Variants in MGAT4C observed in about 807,000 individuals in gnomAD.
The protein encoded by MGAT4C is MGAT4 family member C.
A neutral mutation model predicts 40.1 loss-of-function variants in MGAT4C; 19 were observed. The ratio of observed to expected loss-of-function variants is 0.47; its 90% CI spans 0.33 to 0.70. MGAT4C has a LOEUF of 0.70. Ranked by LOEUF, MGAT4C falls within the 30% of genes least tolerant of loss-of-function variation. MGAT4C has a pLI of 0.02. For synonymous variants in MGAT4C, 181 were observed against 187.1 expected (o/e 0.97, Z 0.27); for missense variants, 491 against 563.2 (o/e 0.87, Z 1.30).
At chr12:86,553,999 A>G (rs1432923349) in intron 2 of MGAT4C, among the ~76,000 whole-genome samples, 3 of 152,100 alleles carry the variant, frequency 2.0e-5, no homozygotes, top group Non-Finnish European at 2.9e-5. Context: ...CTCCTATTTA[A>G]TGAAACTCAT....
chr12:86,119,391 A>T (rs1435067133), intron 1 of MGAT4C, among the ~76,000 whole-genome samples: 1 of 152,030 alleles, frequency 6.6e-6, no homozygotes, highest in Non-Finnish European at 1.5e-5. Flanking sequence ...GAGAGGAGTG[A>T]CAAACTCCCG....
chr12:86,712,594 T>G (rs866513934), intron 2 of MGAT4C, among the ~76,000 whole-genome samples: 1 of 152,288 alleles, frequency 6.6e-6, no homozygotes, highest in East Asian at 1.9e-4. Flanking sequence ...GACGAAACTA[T>G]TATTTTTGAA....
At chr12:86,454,337 C>T (rs1957475252) in intron 2 of MGAT4C, among the ~76,000 whole-genome samples, 1 of 152,074 alleles carries the variant, frequency 6.6e-6, no homozygotes, top group Admixed American at 6.6e-5. Flanking sequence ...AAGCAATTCT[C>T]CCACCTCAGC....
intron 2 of MGAT4C, among the ~76,000 whole-genome samples, chr12:86,707,226 C>G (rs1350815978): frequency 6.6e-6 from 1 of 152,118 alleles, no homozygotes; most frequent in Non-Finnish European, 1.5e-5. Flanking sequence ...AACTAAGTAA[C>G]AGGCAGAGGT....
At chr12:86,442,121 T>C (rs1466576081) in intron 2 of MGAT4C, among the ~76,000 whole-genome samples, 1 of 152,236 alleles carries the variant, frequency 6.6e-6, no homozygotes, top group African/African-American at 2.4e-5. Context: ...TTCATGTGTC[T>C]GTTGGCTGCA....
intron 2 of MGAT4C, among the ~76,000 whole-genome samples, chr12:86,559,105 C>T (rs1303208249): frequency 1.3e-5 from 2 of 151,734 alleles, no homozygotes; most frequent in African/African-American, 4.8e-5. Context: ...AAAAGATTAT[C>T]ATATAATAAT....
chr12:86,815,085 A>G (rs1250954984), intron 1 of MGAT4C, among the ~76,000 whole-genome samples: 2 of 152,044 alleles, frequency 1.3e-5, no homozygotes, highest in African/African-American at 4.8e-5. Flanking sequence ...GGTAACGATC[A>G]TATTGTTAGC....
chr12:86,306,266 A>G (rs949107011), intron 4 of MGAT4C, among the ~76,000 whole-genome samples: 1 of 150,540 alleles, frequency 6.6e-6, no homozygotes, highest in African/African-American at 2.5e-5. Flanking sequence ...GAAAGTTAAT[A>G]GCAGATTTAA....
intron 1 of MGAT4C, among the ~76,000 whole-genome samples, chr12:86,138,312 T>C (rs1194094134): frequency 1.3e-5 from 2 of 151,294 alleles, no homozygotes; most frequent in Admixed American, 1.3e-4. Context: ...TACAATCATT[T>C]TTTTTTTTTC....
intron 2 of MGAT4C, among the ~76,000 whole-genome samples, chr12:86,533,243 T>C (rs1959013118): frequency 1.3e-5 from 2 of 152,072 alleles, no homozygotes; most frequent in African/African-American, 4.8e-5. Context: ...TGGAGGAATC[T>C]TGATGAGCTA....
chr12:86,366,848 C>T (rs1169708056), intron 3 of MGAT4C, among the ~76,000 whole-genome samples: 3 of 152,046 alleles, frequency 2.0e-5, no homozygotes, highest in Non-Finnish European at 4.4e-5. Flanking sequence ...GGAGAAACAA[C>T]ACATTATCTT....
intron 2 of MGAT4C, among the ~76,000 whole-genome samples, chr12:86,645,684 A>C (rs1326506451): frequency 6.6e-6 from 1 of 151,814 alleles, no homozygotes; most frequent in East Asian, 1.9e-4. Flanking sequence ...ACAATTCAAT[A>C]TTTTATGATC....
chr12:86,597,373 A>G (rs1016626077), intron 2 of MGAT4C, among the ~76,000 whole-genome samples: 9 of 152,196 alleles, frequency 5.9e-5, no homozygotes, highest in African/African-American at 2.2e-4. Flanking sequence ...TGTAAACTTT[A>G]TAAAATTAAT....
rs920729858 is a variant in MGAT4C, at chr12:86,319,877, A to T, written c.-57+14188T>A. On this transcript the variant is annotated intron_variant, in intron 4 of 7. Transcript: ENST00000548651. ...ATTTTAGGATTCAATAAATGATAAA[A>T]TTTTTTTAAAGTCCATAATTTGAAA... is the stretch of plus-strand genomic sequence containing the variant. Among the ~76,000 whole-genome samples the T allele has an allele frequency of 2.0e-5, 3 of 152,156 alleles. No homozygotes were observed. The East Asian group carries it at 5.8e-4, about 29-fold the overall frequency.
chr12:86,431,708 G>A (rs1257878254), intron 3 of MGAT4C, among the ~76,000 whole-genome samples: 1 of 152,064 alleles, frequency 6.6e-6, no homozygotes, highest in Non-Finnish European at 1.5e-5. Flanking sequence ...TTCCCATCAT[G>A]ATTGAGTGAC....
chr12:86,042,407 T>C (rs996491991), intron 2 of MGAT4C, among the ~76,000 whole-genome samples: 1 of 152,200 alleles, frequency 6.6e-6, no homozygotes, highest in Admixed American at 6.5e-5. Context: ...ATAGTGTCAA[T>C]GGTTTCTGTA....
At chr12:86,699,431 A>T (rs1041022813) in intron 2 of MGAT4C, among the ~76,000 whole-genome samples, 1 of 152,138 alleles carries the variant, frequency 6.6e-6, no homozygotes, top group African/African-American at 2.4e-5. Flanking sequence ...CCGATACATA[A>T]CTTTTGTCAA....
At chr12:86,029,043 A>G (rs1890497862) in intron 2 of MGAT4C, among the ~76,000 whole-genome samples, 1 of 151,946 alleles carries the variant, frequency 6.6e-6, no homozygotes, top group Non-Finnish European at 1.5e-5. Flanking sequence ...GATTGAAATG[A>G]TTAAAGACAA....
chr12:86,643,240 G>T (rs1404103597), intron 2 of MGAT4C, among the ~76,000 whole-genome samples: 3 of 151,694 alleles, frequency 2.0e-5, no homozygotes, highest in Non-Finnish European at 4.4e-5. Flanking sequence ...GGGCAGAGCC[G>T]CCATGACCTA....
Sources: allele counts gnomAD v4.1 joint callset (sites outside exome capture counted in the v4.1 genomes callset), GRCh38; gene constraint gnomAD v4.1.1; transcripts MANE v1.5; gene names NCBI Gene and HGNC (gene_info 2026-07-23, HGNC 2026-07-21).